The following IL1R1 variants were observed in gnomAD, a reference collection of about 807,000 sequenced individuals.
IL1R1 encodes the protein interleukin-1 receptor type 1.
IL1R1 carries 22 observed loss-of-function variants against 50.2 expected under a neutral mutation model. That is an observed-to-expected ratio of 0.44 (90% CI 0.31 to 0.63). The LOEUF (loss-of-function observed/expected upper bound fraction) is 0.63, where lower values mean the gene tolerates loss of function less well. Ranked by LOEUF, IL1R1 falls within the 20% of genes least tolerant of loss-of-function variation. IL1R1 has a pLI of 0.07. For missense variants in IL1R1, 509 were observed against 676.2 expected (o/e 0.75, Z 2.74); for synonymous variants, 251 against 236.7 (o/e 1.06, Z -0.55).
chr2:102,171,160 G>A (rs538657335), intron 7 of IL1R1, among the ~76,000 whole-genome samples: 8 of 152,274 alleles, frequency 5.3e-5, no homozygotes, highest in African/African-American at 1.2e-4. Flanking sequence ...TTGATTCACC[G>A]TGAATTCAAG....
At chr2:102,136,313 G>C (rs1667310565) in intron 1 of IL1R1, among the ~76,000 whole-genome samples, 1 of 151,602 alleles carries the variant, frequency 6.6e-6, no homozygotes, top group Admixed American at 6.6e-5. Flanking sequence ...CCAACCCCTG[G>C]GCCCGAGGCA....
Position 102,176,545 on chromosome 2 carries a change from T to A in IL1R1, c.1496T>A (p.Met499Lys). 1.2e-6 allele frequency: 2 copies of A among 1,614,158 alleles called. No individual in the cohort carries two copies. The highest frequency in any genetic ancestry group is 1.7e-6 in the Non-Finnish European group (2 of 1,180,030). Reference protein sequence around the residue: ...ELEKIQDYEKMPESIKFIKQK... With the variant: ...ELEKIQDYEKKPESIKFIKQK... ...GAGAAAATCCAAGACTATGAGAAAA[T>A]GCCAGAATCGATTAAATTCATTAAG... The change falls in exon 12 of 12, where the codon ATG becomes AAG. Residue 499 changes from methionine to lysine, a missense_variant. Met to Lys is a moderately conservative substitution (Grantham distance 95). Coordinates refer to ENST00000410023, the MANE Select transcript of IL1R1 (RefSeq NM_000877.4).
chr2:102,159,695 T>G (rs895163341), intron 3 of IL1R1, among the ~76,000 whole-genome samples: 3 of 152,160 alleles, frequency 2.0e-5, no homozygotes, highest in African/African-American at 7.2e-5. Context: ...CACCACCCTA[T>G]GAATGTGACT....
intron 1 of IL1R1, among the ~76,000 whole-genome samples, chr2:102,099,496 C>T (rs1389957165): frequency 6.6e-6 from 1 of 152,154 alleles, no homozygotes; most frequent in Non-Finnish European, 1.5e-5. Context: ...ACCATGGCTC[C>T]TAGCATGGTC....
chr2:102,097,916 A>T (rs6750958), intron 1 of IL1R1, among the ~76,000 whole-genome samples: 1 of 152,068 alleles, frequency 6.6e-6, no homozygotes, highest in African/African-American at 2.4e-5. Flanking sequence ...ACATTCTAAT[A>T]TATTATATGA....
At chr2:102,106,463 C>T (rs963978334) in intron 1 of IL1R1, among the ~76,000 whole-genome samples, 8 of 152,136 alleles carry the variant, frequency 5.3e-5, no homozygotes, top group Non-Finnish European at 8.8e-5. Flanking sequence ...CTGACAAACC[C>T]CGTTGAGCAC....
At chr2:102,078,857 A>G (rs2104283450) in intron 1 of IL1R1, among the ~76,000 whole-genome samples, 1 of 152,290 alleles carries the variant, frequency 6.6e-6, no homozygotes, top group East Asian at 1.9e-4. Context: ...AACACTGGAC[A>G]TGAAATAGAG....
At chr2:102,090,771 C>T (rs1268076320) in intron 1 of IL1R1, among the ~76,000 whole-genome samples, 1 of 152,024 alleles carries the variant, frequency 6.6e-6, no homozygotes, top group Non-Finnish European at 1.5e-5. Flanking sequence ...AGTTTGCTAA[C>T]TATAATTTCT....
intron 1 of IL1R1, among the ~76,000 whole-genome samples, chr2:102,122,129 T>C (rs1681440194): frequency 6.6e-6 from 1 of 152,178 alleles, no homozygotes; most frequent in African/African-American, 2.4e-5. Flanking sequence ...GCTATACTTT[T>C]AAATAAGGTC....
At chr2:102,099,547 A>G (rs1680049684) in intron 1 of IL1R1, among the ~76,000 whole-genome samples, 1 of 152,144 alleles carries the variant, frequency 6.6e-6, no homozygotes, top group African/African-American at 2.4e-5. Context: ...CTCTTAGTCT[A>G]AGGGCCTGTG....
At chr2:102,136,608 C>T (rs1421676829) in intron 1 of IL1R1, among the ~76,000 whole-genome samples, 3 of 152,052 alleles carry the variant, frequency 2.0e-5, no homozygotes, top group South Asian at 2.1e-4. Flanking sequence ...GAACCCCTGA[C>T]CTCGTGATCT....
At chr2:102,101,223 C>A (rs541104203), upstream of IL1R1, among the ~76,000 whole-genome samples, 150 of 152,246 alleles carry the variant, frequency 9.9e-4, 1 homozygote, top group African/African-American at 3.4e-3. Context: ...CACTTTGTGT[C>A]CCAAGAGTTT....
At chr2:102,170,292 A>G (rs1685561276) in intron 7 of IL1R1, among the ~76,000 whole-genome samples, 2 of 152,222 alleles carry the variant, frequency 1.3e-5, no homozygotes, top group Admixed American at 6.5e-5. Flanking sequence ...GTGCAAGCCA[A>G]TAGTCACTAA....
At chr2:102,097,741 A>G (rs1679967917) in intron 1 of IL1R1, among the ~76,000 whole-genome samples, 1 of 152,094 alleles carries the variant, frequency 6.6e-6, no homozygotes, top group Non-Finnish European at 1.5e-5. Flanking sequence ...TTTGATTCAT[A>G]TTATAACTAT....
chr2:102,107,688 AT>A (rs1463904632), intron 1 of IL1R1, among the ~76,000 whole-genome samples: 1 of 152,198 alleles, frequency 6.6e-6, no homozygotes, highest in African/African-American at 2.4e-5. Flanking sequence ...GCAAAGGTAT[AT>A]TTTGTTGTCT....
intron 1 of IL1R1, among the ~76,000 whole-genome samples, chr2:102,084,295 A>G (rs897555358): frequency 6.6e-6 from 1 of 152,216 alleles, no homozygotes; most frequent in Non-Finnish European, 1.5e-5. Flanking sequence ...TGTTCTAAAC[A>G]TGGAAATGCA....
intron 1 of IL1R1, among the ~76,000 whole-genome samples, chr2:102,092,105 A>G (rs1679694114): frequency 6.6e-6 from 1 of 152,080 alleles, no homozygotes. Context: ...TATTTTGCAA[A>G]CTCATCATTT....
chr2:102,109,576 G>A (rs910388054), intron 1 of IL1R1, among the ~76,000 whole-genome samples: 55 of 152,248 alleles, frequency 3.6e-4, no homozygotes, highest in African/African-American at 1.3e-3. Flanking sequence ...ACTGCATTTG[G>A]AGGTGTTGAA....
At chr2:102,119,878 C>T (rs780757620) in intron 1 of IL1R1, among the ~76,000 whole-genome samples, 5 of 152,136 alleles carry the variant, frequency 3.3e-5, no homozygotes, top group South Asian at 4.1e-4. Context: ...ATAGTCACCA[C>T]GTTGTCCATT....
Sources: allele counts gnomAD v4.1 joint callset (sites outside exome capture counted in the v4.1 genomes callset), GRCh38; gene constraint gnomAD v4.1.1; transcripts MANE v1.5; gene names NCBI Gene and HGNC (gene_info 2026-07-23, HGNC 2026-07-21).